The following TEX11 variants were observed in gnomAD, a reference collection of about 807,000 sequenced individuals.
TEX11 encodes testis-expressed protein 11.
In TEX11, 7 loss-of-function variants were observed where a neutral mutation model predicts 84.4. The observed-to-expected ratio is 0.08, with a 90% CI of 0.05 to 0.16. The LOEUF (loss-of-function observed/expected upper bound fraction) is 0.16. Among genes scored for constraint, TEX11 ranks in the 10% least tolerant of loss-of-function variants. TEX11 has a pLI of 1.00. For synonymous variants in TEX11, 264 were observed against 222.8 expected, an observed-to-expected ratio of 1.18 and a Z score of -1.64; for missense variants, 551 against 660.5, an observed-to-expected ratio of 0.83 and a Z score of 1.82.
chrX:70,725,002 T>A (rs1349607652), intron 12 of TEX11, among the ~76,000 whole-genome samples: 1 of 110,785 alleles, frequency 9.0e-6, no homozygotes, highest in Admixed American at 9.7e-5. Flanking sequence ...GTAGCTACAG[T>A]TCTCTGCTGG....
chrX:70,776,768 G>A (rs2147781884), intron 9 of TEX11, among the ~76,000 whole-genome samples: 1 of 110,389 alleles, frequency 9.1e-6, no homozygotes, highest in African/African-American at 3.3e-5. Flanking sequence ...TGTGTGGGTG[G>A]GAGAGGGGAG....
intron 4 of TEX11, among the ~76,000 whole-genome samples, chrX:70,868,866 G>A (rs1021802899): frequency 4.6e-5 from 5 of 108,325 alleles, no homozygotes; most frequent in Non-Finnish European, 9.5e-5. Context: ...TCACATACCC[G>A]GGCCTGTCAG....
At chrX:70,523,526 C>T in the TEX11 span, among the ~76,000 whole-genome samples, 7 of 111,190 alleles carry the variant, frequency 6.3e-5, no homozygotes, top group African/African-American at 1.3e-4. Context: ...TGCAGTGGCG[C>T]GATCTCGGCT....
chrX:70,536,744 T>C (rs1209738197), intron 28 of TEX11, among the ~76,000 whole-genome samples: 1 of 112,510 alleles, frequency 8.9e-6, no homozygotes, highest in Non-Finnish European at 1.9e-5. Flanking sequence ...TAAAAGTATT[T>C]GATAAGGCAA....
chrX:70,567,869 A>G (rs1313005401), intron 25 of TEX11, among the ~76,000 whole-genome samples: 1 of 111,573 alleles, frequency 9.0e-6, no homozygotes, highest in Non-Finnish European at 1.9e-5. Flanking sequence ...TGCAGAAAAA[A>G]ATGTATATTC....
intron 9 of TEX11, among the ~76,000 whole-genome samples, chrX:70,775,862 CATGAGGGAA>C (rs1396569879): frequency 9.9e-6 from 1 of 100,884 alleles, no homozygotes; most frequent in Non-Finnish European, 2.0e-5. Context: ...TATCACTAAT[CATGAGGGAA>C]ATGCAAATCA....
At chrX:70,644,760 TG>T (rs1188474366) in intron 17 of TEX11, among the ~76,000 whole-genome samples, 1 of 65,769 alleles carries the variant, frequency 1.5e-5, no homozygotes, top group African/African-American at 6.2e-5. Flanking sequence ...CATCACACTC[TG>T]GGGACTGTTG....
intron 13 of TEX11, among the ~76,000 whole-genome samples, chrX:70,721,280 T>C (rs991341050): frequency 8.9e-6 from 1 of 111,823 alleles, no homozygotes; most frequent in Admixed American, 9.6e-5. Flanking sequence ...GCAACTATAT[T>C]AGCCATTGTG....
At chrX:70,749,263 A>G (rs1335215330) in intron 9 of TEX11, among the ~76,000 whole-genome samples, 1 of 106,534 alleles carries the variant, frequency 9.4e-6, no homozygotes, top group African/African-American at 3.5e-5. Context: ...ATTTTTGTAC[A>G]TTGATTTTGT....
chrX:70,831,427 G>C (rs1482989075), intron 8 of TEX11, among the ~76,000 whole-genome samples: 1 of 111,012 alleles, frequency 9.0e-6, no homozygotes, highest in African/African-American at 3.3e-5. Context: ...AGGAGTTCAA[G>C]ATCAGCCTGC....
chrX:70,703,267 T>C (rs2090341159), intron 13 of TEX11, among the ~76,000 whole-genome samples: 1 of 111,855 alleles, frequency 8.9e-6, no homozygotes, highest in Non-Finnish European at 1.9e-5. Context: ...AGTTTATAAC[T>C]TCTACATATT....
intron 25 of TEX11, among the ~76,000 whole-genome samples, chrX:70,569,203 C>A (rs2088546769): frequency 8.9e-6 from 1 of 112,080 alleles, no homozygotes; most frequent in Non-Finnish European, 1.9e-5. Context: ...CGCATCGGCT[C>A]CTGAGGCTTC....
chrX:70,600,202 G>A (rs764108499), intron 24 of TEX11, among the ~76,000 whole-genome samples: 48 of 111,696 alleles, frequency 4.3e-4, no homozygotes, highest in African/African-American at 1.4e-3. Context: ...ACTTTTTAAC[G>A]ATTGCCATTC....
chrX:70,678,839 T>C lies in TEX11; in HGVS notation c.1207A>G (p.Asn403Asp). 8.3e-7 allele frequency: 1 copy of C among 1,207,177 alleles called. No individual in the cohort carries two copies. Among genetic ancestry groups the C allele is most frequent in the Non-Finnish European group, 1.1e-6 (1 of 893,819 alleles). The change falls in exon 15 of 30, where the codon AAC (asparagine) becomes GAC (aspartate). Residue 403 changes from asparagine (N) to aspartate (D), a missense_variant. Asn to Asp is a conservative substitution (Grantham distance 23). Transcript: ENST00000374333. ...LTAESMNWLHNILWRQAASSF... is the reference protein window; with the variant it reads ...LTAESMNWLHDILWRQAASSF... The stretch of plus-strand genomic sequence containing the variant: ...CTGGCAGCTTGTCTCCACAGAATGT[T>C]GTGTAACCAGTTCATTGATTCTGCT...
chrX:70,738,532 A>T (rs1453478865), intron 11 of TEX11, among the ~76,000 whole-genome samples: 1 of 112,232 alleles, frequency 8.9e-6, no homozygotes, highest in Admixed American at 9.5e-5. Context: ...ATTGTAAAAG[A>T]CAGTGTGGTG....
intron 11 of TEX11, among the ~76,000 whole-genome samples, chrX:70,739,688 G>C (rs950792462): frequency 3.6e-5 from 4 of 111,791 alleles, no homozygotes; most frequent in Non-Finnish European, 7.5e-5. Flanking sequence ...GGGATTACAG[G>C]CATGAGCCAC....
Position 70,622,950 on chromosome X carries a change from G to T in TEX11, c.1751+1000C>A, listed in dbSNP as rs186104123. Among the ~76,000 whole-genome samples, 12 of 111,872 alleles carry T rather than the reference G, an allele frequency of 1.1e-4. No homozygotes were observed. The East Asian group carries it at 3.4e-3, about 31-fold the overall frequency. On this transcript the variant is annotated intron_variant, in intron 20 of 29. Transcript: ENST00000374333. ...ATGTCTAAAAGTTAATAATTTCTTAGTATCAGCAAATATTTGGTCATTATT... is the reference window on the plus strand; with the variant it reads ...ATGTCTAAAAGTTAATAATTTCTTATTATCAGCAAATATTTGGTCATTATT...
At chrX:70,809,236 A>C (rs2091238016) in intron 8 of TEX11, among the ~76,000 whole-genome samples, 2 of 112,329 alleles carry the variant, frequency 1.8e-5, no homozygotes, top group South Asian at 7.3e-4. Flanking sequence ...GGAAGAAACA[A>C]TACCAAGTAC....
intron 11 of TEX11, among the ~76,000 whole-genome samples, chrX:70,727,673 G>A (rs1357965602): frequency 1.8e-5 from 2 of 111,393 alleles, no homozygotes; most frequent in African/African-American, 6.5e-5. Context: ...GGGGCTTTGG[G>A]AGGTAATTTG....
Sources: allele counts gnomAD v4.1 joint callset (sites outside exome capture counted in the v4.1 genomes callset), GRCh38; gene constraint gnomAD v4.1.1; transcripts MANE v1.5; gene names NCBI Gene and HGNC (gene_info 2026-07-23, HGNC 2026-07-21).